SH3PXD2A: variants seen among roughly 807,000 people sequenced by gnomAD.
The protein encoded by SH3PXD2A is SH3 and PX domains 2A.
SH3PXD2A carries 32 observed loss-of-function variants against 115.2 expected under a neutral mutation model. The ratio of observed to expected loss-of-function variants is 0.28; its 90% CI spans 0.21 to 0.37. The LOEUF is 0.37. Ranked by LOEUF, SH3PXD2A falls within the 10% of genes least tolerant of loss-of-function variation. The pLI is 1.00. For missense variants in SH3PXD2A, 1,328 were observed against 1,498.7 expected, an observed-to-expected ratio of 0.89 and a Z score of 1.88; for synonymous variants, 610 against 629.1, an observed-to-expected ratio of 0.97 and a Z score of 0.45.
chr10:103,814,680 T>A (rs2039305854), intron 1 of SH3PXD2A, among the ~76,000 whole-genome samples: 1 of 152,124 alleles, frequency 6.6e-6, no homozygotes, highest in Non-Finnish European at 1.5e-5. Flanking sequence ...TTAAGCAAAA[T>A]CCACTGGGAA....
intron 4 of SH3PXD2A, among the ~76,000 whole-genome samples, chr10:103,728,641 T>A (rs749117205): frequency 1.3e-5 from 2 of 152,182 alleles, no homozygotes; most frequent in Non-Finnish European, 2.9e-5. Context: ...GATCACCATG[T>A]TTGTTACCAT....
intron 3 of SH3PXD2A, among the ~76,000 whole-genome samples, chr10:103,760,552 A>T (rs2038688829): frequency 6.6e-6 from 1 of 150,960 alleles, no homozygotes; most frequent in Non-Finnish European, 1.5e-5. Flanking sequence ...CCTGGGCAAC[A>T]GAGCGAGACC....
rs115248669 is a variant in SH3PXD2A, at chr10:103,791,700, C to T, written c.153+9582G>A. Among the ~76,000 whole-genome samples the T allele has an allele frequency of 2.6e-3, 397 of 151,974 alleles. 4 individuals are homozygous for T. The highest frequency in any genetic ancestry group is 8.7e-3 in the African/African-American group (362 of 41,428). Reference sequence around the variant, plus strand: ...TCTCCATCTGCTTGGAACCAGGTCCCGAGTTGCTCTGGACCTGAGAGGCCC... The same window carrying T: ...TCTCCATCTGCTTGGAACCAGGTCCTGAGTTGCTCTGGACCTGAGAGGCCC... On this transcript the variant is annotated intron_variant, in intron 2 of 14. Transcript: ENST00000369774.
intron 2 of SH3PXD2A, among the ~76,000 whole-genome samples, chr10:103,780,249 C>T (rs4415684): frequency 0.72 from 109,277 of 152,138 alleles, 40,604 homozygotes; most frequent in South Asian, 0.85. Context: ...GGAAGCCAAG[C>T]GGAACACTTC....
intron 8 of SH3PXD2A, among the ~76,000 whole-genome samples, chr10:103,660,606 T>C (rs890450701): frequency 6.6e-6 from 1 of 152,194 alleles, no homozygotes; most frequent in Non-Finnish European, 1.5e-5. Context: ...TGGGCTGTCC[T>C]GCCTGGACCC....
chr10:103,602,013 T>G lies in SH3PXD2A; in HGVS notation c.3205A>C (p.Ile1069Leu), dbSNP rs375843443. 6.8e-5 allele frequency: 109 copies of G among 1,613,634 alleles called. No individual in the cohort carries two copies. The highest frequency in any genetic ancestry group is 9.0e-5 in the Non-Finnish European group (106 of 1,179,828). ...TACACATCTTTGAGGTTATTGTGGA[T>G]GAACTGAGACTTCTCGATGGGCTTG... ...RPKPIEKSQF[I>L]HNNLKDVYVS... The change falls in exon 15 of 15, where the codon ATC (isoleucine) becomes CTC (leucine). Residue 1069 changes from isoleucine (I) to leucine (L), a missense_variant. Physicochemically the swap from Ile to Leu is conservative, Grantham distance 5 (BLOSUM62 2). This residue lies in a region of SH3PXD2A where 574 missense variants were observed against 565.7 expected (regional missense o/e 1.01). Transcript: ENST00000369774.
chr10:103,706,207 G>A (rs908278484), intron 5 of SH3PXD2A, among the ~76,000 whole-genome samples: 6 of 152,174 alleles, frequency 3.9e-5, no homozygotes, highest in African/African-American at 1.2e-4. Context: ...CGATGGTGAT[G>A]GAGCATCCCC....
chr10:103,779,222 C>T lies in SH3PXD2A; in HGVS notation c.154-12053G>A, dbSNP rs2038909433. Among the ~76,000 whole-genome samples the T allele has an allele frequency of 2.0e-5, 3 of 152,220 alleles. No homozygotes were observed. In the South Asian group the frequency reaches 6.2e-4, roughly 32 times the overall value. ...TGGCTGGGATTACAGGCACCTGCCA[C>T]CACGCCCAGCTAATTTTGGTATTTT... On this transcript the variant is annotated intron_variant, in intron 2 of 14. Coordinates refer to ENST00000369774, the MANE Select transcript of SH3PXD2A (RefSeq NM_001394015.1).
intron 2 of SH3PXD2A, among the ~76,000 whole-genome samples, chr10:103,798,682 C>A (rs1447545162): frequency 1.3e-5 from 2 of 152,102 alleles, no homozygotes; most frequent in Admixed American, 1.3e-4. Context: ...TCAGAGTCAG[C>A]CAAAAAGGAA....
At chr10:103,765,900 CG>C (rs2038748969) in intron 3 of SH3PXD2A, among the ~76,000 whole-genome samples, 1 of 152,218 alleles carries the variant, frequency 6.6e-6, no homozygotes, top group Non-Finnish European at 1.5e-5. Context: ...TGACCCTGTG[CG>C]GGGAGGCCAG....
chr10:103,607,674 G>C (rs553945069), intron 13 of SH3PXD2A, among the ~76,000 whole-genome samples: 27 of 152,362 alleles, frequency 1.8e-4, no homozygotes, highest in African/African-American at 6.0e-4. Flanking sequence ...ATTGAGAACG[G>C]GCCATGATGA....
At chr10:103,840,752 T>C (rs1418592924) in intron 1 of SH3PXD2A, among the ~76,000 whole-genome samples, 1 of 152,254 alleles carries the variant, frequency 6.6e-6, no homozygotes, top group Non-Finnish European at 1.5e-5. Flanking sequence ...ACCATAATAG[T>C]GCTTTTCTCA....
chr10:103,667,094 A>G (rs1431727314), intron 7 of SH3PXD2A, among the ~76,000 whole-genome samples: 2 of 152,138 alleles, frequency 1.3e-5, no homozygotes, highest in African/African-American at 2.4e-5. Flanking sequence ...TTCCTGTCTC[A>G]TATCTCAAAG....
chr10:103,768,343 A>G lies in SH3PXD2A; in HGVS notation c.154-1174T>C, dbSNP rs546173524. ...AAGAAGGCCTGACCTCGAGCTAGCAATTCTACAGAGACCTGCAGGGGGGCG... is the reference window on the plus strand; with the variant it reads ...AAGAAGGCCTGACCTCGAGCTAGCAGTTCTACAGAGACCTGCAGGGGGGCG... On this transcript the variant is annotated intron_variant, in intron 2 of 14. Coordinates refer to ENST00000369774, the MANE Select transcript of SH3PXD2A (RefSeq NM_001394015.1). Among the ~76,000 whole-genome samples the G allele has an allele frequency of 2.0e-5, 3 of 152,344 alleles. No individual in the cohort carries two copies. The South Asian group carries it at 6.2e-4, about 32-fold the overall frequency.
intron 3 of SH3PXD2A, among the ~76,000 whole-genome samples, chr10:103,763,939 C>G (rs1262095183): frequency 6.6e-6 from 1 of 152,248 alleles, no homozygotes; most frequent in Non-Finnish European, 1.5e-5. Context: ...GAACACACAT[C>G]TCTGCCTCAC....
chr10:103,855,152 A>G, intron 1 of SH3PXD2A, 43 bp downstream of exon 1: 1 of 1,422,982 alleles, frequency 7.0e-7, no homozygotes, highest in Non-Finnish European at 9.5e-7. Context: ...CCCTCCCGGG[A>G]CCTCGGGCCA....
chr10:103,682,524 G>A (rs1325209999), intron 6 of SH3PXD2A, among the ~76,000 whole-genome samples: 3 of 152,306 alleles, frequency 2.0e-5, no homozygotes, highest in African/African-American at 4.8e-5. Context: ...TTGAGAGGCC[G>A]AAGAGGGTGG....
At chr10:103,770,688 C>T (rs1439716402) in intron 2 of SH3PXD2A, among the ~76,000 whole-genome samples, 5 of 152,054 alleles carry the variant, frequency 3.3e-5, no homozygotes, top group African/African-American at 7.2e-5. Context: ...TTCCATTTTC[C>T]GTGGCCAGTG....
At chr10:103,619,397 T>A (rs1317513872) in intron 10 of SH3PXD2A, among the ~76,000 whole-genome samples, 3 of 152,236 alleles carry the variant, frequency 2.0e-5, no homozygotes, top group Admixed American at 6.5e-5. Flanking sequence ...AGGCGAGGCC[T>A]GGGCTCCACA....
Sources: gnomAD v4.1 joint callset for allele counts (sites outside exome capture counted in the v4.1 genomes callset) on GRCh38, gnomAD v4.1.1 for gene constraint, gnomAD v4.1.1 regional missense constraint, MANE v1.5 for transcripts, NCBI Gene and HGNC (gene_info 2026-07-23, HGNC 2026-07-21) for gene names.